DNTT: variants seen among roughly 807,000 people sequenced by gnomAD.
The protein encoded by DNTT is nucleosidetriphosphate:DNA deoxynucleotidylexotransferase.
In DNTT, 47 loss-of-function variants were observed where a neutral mutation model predicts 60.9. The ratio of observed to expected loss-of-function variants is 0.77; its 90% CI spans 0.61 to 0.98. The LOEUF (loss-of-function observed/expected upper bound fraction) is 0.98. Ranked by LOEUF, DNTT falls within the 50% of genes least tolerant of loss-of-function variation. DNTT has a pLI of 0.00. For missense variants in DNTT, 665 were observed against 627.5 expected (o/e 1.06, Z -0.64); for synonymous variants, 224 against 221.2 (o/e 1.01, Z -0.11).
chr10:96,319,019 C>T (rs1844828072), intron 2 of DNTT, among the ~76,000 whole-genome samples: 1 of 152,098 alleles, frequency 6.6e-6, no homozygotes, highest in Non-Finnish European at 1.5e-5. Context: ...ACCATAACTA[C>T]AGAAGTTCAT....
chr10:96,312,995 TG>T (rs1455965853), intron 1 of DNTT, among the ~76,000 whole-genome samples: 1 of 152,152 alleles, frequency 6.6e-6, no homozygotes, highest in African/African-American at 2.4e-5. Flanking sequence ...CCACTGTCCC[TG>T]CTCTCAGGGA....
intron 1 of DNTT, among the ~76,000 whole-genome samples, chr10:96,315,007 C>T (rs974074809): frequency 6.6e-6 from 1 of 152,122 alleles, no homozygotes; most frequent in Non-Finnish European, 1.5e-5. Context: ...GTGAACAACA[C>T]ACAGAGACTG....
At chr10:96,308,563 A>C (rs1844670301) in intron 1 of DNTT, among the ~76,000 whole-genome samples, 1 of 152,182 alleles carries the variant, frequency 6.6e-6, no homozygotes, top group Non-Finnish European at 1.5e-5. Flanking sequence ...TCATTCTGTT[A>C]TCAACCCTCC....
intron 8 of DNTT, 25 bp downstream of exon 8, chr10:96,328,855 T>C: frequency 6.2e-7 from 1 of 1,602,288 alleles, no homozygotes; most frequent in South Asian, 1.1e-5. Flanking sequence ...GAAAAATACA[T>C]GCACACGCAA....
At chr10:96,319,182 A>T in intron 2 of DNTT, 80 bp from the exon 3 acceptor site, 2 of 1,510,106 alleles carry the variant, frequency 1.3e-6, no homozygotes, top group South Asian at 2.8e-5. Context: ...ACTACAGACA[A>T]CTACTTCCAA....
intron 1 of DNTT, among the ~76,000 whole-genome samples, chr10:96,317,470 ATTG>A (rs1844800161): frequency 6.6e-6 from 1 of 152,214 alleles, no homozygotes; most frequent in African/African-American, 2.4e-5. Context: ...TAATTAATTT[ATTG>A]TTAATAATAA....
intron 5 of DNTT, among the ~76,000 whole-genome samples, chr10:96,323,411 TG>T (rs1844903257): frequency 6.6e-6 from 1 of 151,946 alleles, no homozygotes; most frequent in African/African-American, 2.4e-5. Context: ...AACATACAAA[TG>T]GGTTGGGAGG....
chr10:96,334,442 A>G (rs1017822556), intron 9 of DNTT, among the ~76,000 whole-genome samples: 12 of 152,082 alleles, frequency 7.9e-5, no homozygotes, highest in African/African-American at 2.7e-4. Context: ...CATGTGTTCC[A>G]CCCTCCCAAC....
intron 7 of DNTT, among the ~76,000 whole-genome samples, chr10:96,327,894 A>T (rs1844957679): frequency 6.6e-6 from 1 of 152,114 alleles, no homozygotes; most frequent in Non-Finnish European, 1.5e-5. Context: ...CTCAATTTAG[A>T]TGGCACCTTC....
intron 1 of DNTT, among the ~76,000 whole-genome samples, chr10:96,314,596 T>C (rs1214307939): frequency 6.6e-6 from 1 of 151,556 alleles, no homozygotes; most frequent in Non-Finnish European, 1.5e-5. Flanking sequence ...GTATTTTTAG[T>C]AGAGACAGGG....
chr10:96,312,389 C>T (rs1844730065), intron 1 of DNTT, among the ~76,000 whole-genome samples: 1 of 152,188 alleles, frequency 6.6e-6, no homozygotes, highest in African/African-American at 2.4e-5. Context: ...GACTGTGTGA[C>T]TTTCCCTGGG....
intron 1 of DNTT, among the ~76,000 whole-genome samples, chr10:96,317,757 C>A (rs369605941): frequency 6.6e-6 from 1 of 152,182 alleles, no homozygotes; most frequent in East Asian, 1.9e-4. Flanking sequence ...TCTGCCGACC[C>A]CTTGATCATG....
intron 7 of DNTT, among the ~76,000 whole-genome samples, chr10:96,328,369 G>A (rs1315647649): frequency 2.6e-5 from 4 of 152,124 alleles, no homozygotes; most frequent in African/African-American, 7.2e-5. Context: ...TTCCAAGAGC[G>A]CTACCTTGTA....
intron 1 of DNTT, among the ~76,000 whole-genome samples, chr10:96,313,547 C>G (rs1844746258): frequency 6.6e-6 from 1 of 152,174 alleles, no homozygotes; most frequent in South Asian, 2.1e-4. Flanking sequence ...GGGTTTGAAC[C>G]TCGGCTTCAT....
chr10:96,337,474 A>G (rs1845087029), intron 10 of DNTT, among the ~76,000 whole-genome samples: 3 of 152,256 alleles, frequency 2.0e-5, no homozygotes. Context: ...GATGCTAAGC[A>G]TGTGGGTGAA....
chr10:96,322,324 A>G (rs1844890074), intron 4 of DNTT, among the ~76,000 whole-genome samples: 1 of 152,208 alleles, frequency 6.6e-6, no homozygotes, highest in Admixed American at 6.5e-5. Flanking sequence ...TTATTTCAGT[A>G]AGGTCATATT....
chr10:96,311,824 A>G (rs958299805), intron 1 of DNTT, among the ~76,000 whole-genome samples: 8 of 152,118 alleles, frequency 5.3e-5, no homozygotes, highest in African/African-American at 1.2e-4. Context: ...TTGTATTTTT[A>G]GTAGAGACGG....
rs1212823422 is a variant in DNTT at position 96,307,703 on chromosome 10, GTGTATATATATA to G, written c.203+3005_203+3016del. On this transcript the variant is annotated intron_variant, in intron 1 of 10. Transcript: ENST00000371174. ...TATATATATGTATGTGTGTGTGTGTGTGTATATATATATATATATATATATATATAAGCATAT... is the reference window on the plus strand; with the variant it reads ...TATATATATGTATGTGTGTGTGTGTGTATATATATATATATATAAGCATAT... Among the ~76,000 whole-genome samples the G allele has an allele frequency of 4.0e-3, 140 of 35,288 alleles. 2 individuals are homozygous for G. Among genetic ancestry groups the G allele is most frequent in the Middle Eastern group, 0.023 (1 of 44 alleles). 23.2% of individuals were successfully genotyped at this position (35,288 alleles called of 152,430 possible). A position where few individuals can be genotyped will look rare whatever the true frequency, so the allele number is the denominator to read the frequency against.
chr10:96,336,511 T>C (rs1845071734), intron 10 of DNTT, among the ~76,000 whole-genome samples: 1 of 152,206 alleles, frequency 6.6e-6, no homozygotes, highest in Non-Finnish European at 1.5e-5. Context: ...AATTCATCCC[T>C]CAGCAAAACG....
Sources: allele counts gnomAD v4.1 joint callset (sites outside exome capture counted in the v4.1 genomes callset), GRCh38; gene constraint gnomAD v4.1.1; transcripts MANE v1.5; gene names NCBI Gene and HGNC (gene_info 2026-07-23, HGNC 2026-07-21).